The following CDC42BPA variants were observed in gnomAD, a reference collection of about 807,000 sequenced individuals.
CDC42BPA encodes the protein CDC42 binding protein kinase alpha.
Under a neutral mutation model 223.5 loss-of-function variants are expected in CDC42BPA, and 80 were observed. That is an observed-to-expected ratio of 0.36 (90% CI 0.30 to 0.43). The LOEUF (loss-of-function observed/expected upper bound fraction) is 0.43, where lower values mean the gene tolerates loss of function less well. Ranked by LOEUF, CDC42BPA falls within the 20% of genes least tolerant of loss-of-function variation. CDC42BPA has a pLI of 1.00. For missense variants in CDC42BPA, 1,743 were observed against 2,099.9 expected (o/e 0.83, Z 3.32); for synonymous variants, 694 against 718.6 (o/e 0.97, Z 0.55).
chr1:227,072,349 T>C (rs1678570037), intron 19 of CDC42BPA, 50 bp from the exon 20 acceptor site: 2 of 1,092,386 alleles, frequency 1.8e-6, no homozygotes, highest in South Asian at 2.6e-5. Context: ...TATTGCTGGT[T>C]AGTGAGCCAT....
chr1:227,274,960 A>AG (rs1366460553), intron 1 of CDC42BPA, among the ~76,000 whole-genome samples: 3 of 152,222 alleles, frequency 2.0e-5, no homozygotes, highest in Non-Finnish European at 4.4e-5. Flanking sequence ...AAATTGGCAA[A>AG]CTTGCCATTA....
At chr1:227,224,739 T>C (rs1339057778) in intron 2 of CDC42BPA, among the ~76,000 whole-genome samples, 1 of 152,238 alleles carries the variant, frequency 6.6e-6, no homozygotes, top group Admixed American at 6.5e-5. Flanking sequence ...GAAAACTAAT[T>C]TGAAATCATA....
chr1:227,269,624 G>A (rs1010877725), intron 1 of CDC42BPA, among the ~76,000 whole-genome samples: 1 of 151,922 alleles, frequency 6.6e-6, no homozygotes. Flanking sequence ...AAATATTTAC[G>A]TAACAAAAAA....
chr1:227,213,339 T>C (rs901192693), intron 2 of CDC42BPA, 120 bp from the exon 3 acceptor site: 2 of 552,394 alleles, frequency 3.6e-6, no homozygotes, highest in Non-Finnish European at 6.4e-6. Flanking sequence ...TCAATGCAGT[T>C]CAAATTCTAA....
At chr1:227,088,868 G>A (rs112797629) in intron 16 of CDC42BPA, among the ~76,000 whole-genome samples, 1 of 152,164 alleles carries the variant, frequency 6.6e-6, no homozygotes, top group South Asian at 2.1e-4. Context: ...TGAGACTACA[G>A]GCACGTGCCA....
At chr1:227,316,804 C>G (rs997333263) in intron 1 of CDC42BPA, among the ~76,000 whole-genome samples, 1 of 152,192 alleles carries the variant, frequency 6.6e-6, no homozygotes, top group Non-Finnish European at 1.5e-5. Context: ...GGCCTTAAAT[C>G]AAGGCAACAA....
chr1:227,303,102 G>A (rs1691948434), intron 1 of CDC42BPA, among the ~76,000 whole-genome samples: 1 of 151,426 alleles, frequency 6.6e-6, no homozygotes, highest in Non-Finnish European at 1.5e-5. Flanking sequence ...GAGGCTTTGA[G>A]GATCCTCAGA....
rs142292611 is a variant in CDC42BPA, at chr1:227,030,394, A to C, written c.3838+14T>G. On this transcript the variant is annotated intron_variant, in intron 29 of 36. Transcript: ENST00000366766. Reference sequence around the variant, plus strand: ...GATTTAAAATTACTCCAAAAAAAAAAAGTTTTCTCTTACCATCTTTGGTGA... The same window carrying C: ...GATTTAAAATTACTCCAAAAAAAAACAGTTTTCTCTTACCATCTTTGGTGA... 1,669 of 1,551,068 alleles carry C rather than the reference A, an allele frequency of 1.1e-3. 27 individuals carry two copies. In the African/African-American group the frequency reaches 0.021, roughly 19 times the overall value.
At chr1:227,268,758 T>G (rs1053966241) in intron 1 of CDC42BPA, among the ~76,000 whole-genome samples, 1 of 151,506 alleles carries the variant, frequency 6.6e-6, no homozygotes, top group African/African-American at 2.4e-5. Context: ...TGATCCCGGT[T>G]CACTGCAGCC....
At chr1:227,075,933 T>C (rs1218995498) in intron 17 of CDC42BPA, among the ~76,000 whole-genome samples, 1 of 152,200 alleles carries the variant, frequency 6.6e-6, no homozygotes, top group East Asian at 1.9e-4. Context: ...TGACTTTAAG[T>C]TATTTGGAAT....
chr1:227,292,351 T>C (rs1689843821), intron 1 of CDC42BPA, among the ~76,000 whole-genome samples: 1 of 152,228 alleles, frequency 6.6e-6, no homozygotes, highest in Non-Finnish European at 1.5e-5. Context: ...TAATTTCAAA[T>C]GAAAACCACA....
At chr1:227,316,526 G>A (rs1694420374) in intron 1 of CDC42BPA, among the ~76,000 whole-genome samples, 3 of 152,168 alleles carry the variant, frequency 2.0e-5, no homozygotes, top group African/African-American at 4.8e-5. Context: ...ATGTAGAGAT[G>A]AAATAAAACC....
chr1:227,301,797 C>CA (rs974910597), intron 1 of CDC42BPA, among the ~76,000 whole-genome samples: 64 of 148,540 alleles, frequency 4.3e-4, no homozygotes, highest in South Asian at 8.5e-4. Flanking sequence ...TCACTTCCAC[C>CA]AAAAAAAAAA....
At chr1:227,046,359 G>T (rs932889136) in intron 23 of CDC42BPA, among the ~76,000 whole-genome samples, 1 of 152,034 alleles carries the variant, frequency 6.6e-6, no homozygotes, top group South Asian at 2.1e-4. Flanking sequence ...CAAGCAGAGT[G>T]GGGAGGAGGA....
chr1:227,185,515 T>C (rs1037031945), intron 5 of CDC42BPA, among the ~76,000 whole-genome samples: 1 of 152,138 alleles, frequency 6.6e-6, no homozygotes, highest in African/African-American at 2.4e-5. Flanking sequence ...TTTCGCCGGC[T>C]ACGTGAATGA....
intron 23 of CDC42BPA, among the ~76,000 whole-genome samples, chr1:227,047,395 C>CCT (rs373912800): frequency 1.3e-4 from 19 of 151,732 alleles, no homozygotes; most frequent in African/African-American, 4.4e-4. Context: ...GGTCTATTGA[C>CCT]CTCTCTCTCT....
chr1:227,239,689 G>A (rs115134341), intron 2 of CDC42BPA, among the ~76,000 whole-genome samples: 19 of 152,234 alleles, frequency 1.2e-4, no homozygotes, highest in Non-Finnish European at 2.4e-4. Flanking sequence ...GCATATGACA[G>A]AATTCAGCAC....
At chr1:227,297,334 T>C (rs1286960257) in intron 1 of CDC42BPA, among the ~76,000 whole-genome samples, 1 of 152,140 alleles carries the variant, frequency 6.6e-6, no homozygotes, top group Admixed American at 6.5e-5. Context: ...ACATTGCTGG[T>C]GGGAATGTAT....
intron 1 of CDC42BPA, among the ~76,000 whole-genome samples, chr1:227,274,611 C>T (rs1686611359): frequency 6.6e-6 from 1 of 152,064 alleles, no homozygotes; most frequent in Non-Finnish European, 1.5e-5. Context: ...TAAATGGCCT[C>T]CCTGCTCCAT....
Sources: allele counts gnomAD v4.1 joint callset (sites outside exome capture counted in the v4.1 genomes callset), GRCh38; gene constraint gnomAD v4.1.1; transcripts MANE v1.5; gene names NCBI Gene and HGNC (gene_info 2026-07-23, HGNC 2026-07-21).